RRAGD: variants seen among roughly 807,000 people sequenced by gnomAD.
The protein encoded by RRAGD is Ras related GTP binding D.
Under a neutral mutation model 35.5 loss-of-function variants are expected in RRAGD, and 12 were observed. That is an observed-to-expected ratio of 0.34 (90% confidence interval 0.22 to 0.55). The LOEUF is 0.55. Among genes scored for constraint, RRAGD ranks in the 20% least tolerant of loss-of-function variants. RRAGD has a pLI of 0.91. For missense variants in RRAGD, 324 were observed against 490.1 expected (o/e 0.66, Z 3.20); for synonymous variants, 155 against 178.9 (o/e 0.87, Z 1.07).
At position 89,380,197 on chromosome 6, in the gene RRAGD, T is replaced by C; in HGVS notation, c.615A>G (p.Ala205=). The C allele has an allele frequency of 1.2e-6, 2 of 1,614,270 alleles. No individual in the cohort carries two copies. Among genetic ancestry groups the C allele is most frequent in the Non-Finnish European group, 1.7e-6 (2 of 1,180,044 alleles). ...DIHQRANDDL[A]DAGLEKIHLS... is the part of the protein sequence containing the mutation. ...GGTGAATTTTTTCTAATCCAGCATC[T>C]GCAAGGTCATCGTTTGCCCTCTGGT... is the stretch of plus-strand genomic sequence containing the variant. The change falls in exon 3 of 7, where the codon GCA becomes GCG. Residue 205 remains alanine (A), a synonymous_variant. Coordinates refer to ENST00000369415, the MANE Select transcript of RRAGD (RefSeq NM_021244.5).
At chr6:89,377,939 T>A in intron 4 of RRAGD, 126 bp from the exon 5 acceptor site, 1 of 670,992 alleles carries the variant, frequency 1.5e-6, no homozygotes, top group Non-Finnish European at 2.4e-6. Context: ...ACTAAAAATT[T>A]AAATTGTATC....
At position 89,366,543 on chromosome 6, in the gene RRAGD, AAG is replaced by A. The variant is rs1332325059; in HGVS notation, c.*1511_*1512del. ...CCCCCTCTAAAAAAAAAAAAAAAAAAAGTTTCAAGTATAAGTTGCTTTAGGGA... is the reference window on the plus strand; with the variant it reads ...CCCCCTCTAAAAAAAAAAAAAAAAAATTTCAAGTATAAGTTGCTTTAGGGA... On this transcript the variant is annotated 3_prime_UTR_variant, in exon 7 of 7. Coordinates refer to ENST00000369415, the MANE Select transcript of RRAGD (RefSeq NM_021244.5). 1 of 151,232 alleles carries A rather than the reference AAG, an allele frequency of 6.6e-6. No individual in the cohort carries two copies. The highest frequency in any genetic ancestry group is 1.5e-5 in the Non-Finnish European group (1 of 67,884). The allele number at this position is 151,232 out of a possible 1,614,324, so 9.4% of individuals were successfully genotyped here. A position where few individuals can be genotyped will look rare whatever the true frequency, so the allele number is the denominator to read the frequency against.
chr6:89,386,785 C>A (rs905807526), intron 2 of RRAGD, among the ~76,000 whole-genome samples: 13 of 151,936 alleles, frequency 8.6e-5, no homozygotes, highest in Non-Finnish European at 1.8e-4. Flanking sequence ...TATCCATCTT[C>A]TAAAGAGGGA....
At chr6:89,410,327 C>T (rs1769669168) in intron 1 of RRAGD, among the ~76,000 whole-genome samples, 1 of 152,188 alleles carries the variant, frequency 6.6e-6, no homozygotes. Flanking sequence ...CTGTGTCCAC[C>T]ATTTCAAATA....
chr6:89,369,986 T>C (rs143380315), intron 6 of RRAGD, among the ~76,000 whole-genome samples: 28 of 152,156 alleles, frequency 1.8e-4, no homozygotes, highest in Non-Finnish European at 2.8e-4. Flanking sequence ...AGCTGCACAA[T>C]AAAAACACCC....
In RRAGD at chr6:89,411,636, T is replaced by A. The variant is rs1490843628; in HGVS notation, c.148+210A>T. ...CCTCCTTCCCCTTTTCCACCGATCC[T>A]GGTTGCCCCTCCGCCACCAGCACCG... On this transcript the variant is annotated intron_variant, in intron 1 of 6. Transcript: ENST00000369415. This position sits in a 1 kb window ranked among gnomAD's most constrained non-coding sequence, Gnocchi z 5.6. The A allele has an allele frequency of 1.7e-6, 1 of 581,232 alleles. No individual in the cohort carries two copies. The highest frequency in any genetic ancestry group is 3.0e-6 in the Non-Finnish European group (1 of 332,982). The allele number at this position is 581,232 out of a possible 1,614,324, so 36.0% of individuals were successfully genotyped here.
intron 2 of RRAGD, among the ~76,000 whole-genome samples, chr6:89,385,000 G>A (rs1769116732): frequency 6.6e-6 from 1 of 151,876 alleles, no homozygotes; most frequent in Non-Finnish European, 1.5e-5. Context: ...GCTGTAGCGG[G>A]TTATAATCAC....
chr6:89,408,579 C>T (rs1246823957), intron 1 of RRAGD, among the ~76,000 whole-genome samples: 1 of 152,106 alleles, frequency 6.6e-6, no homozygotes, highest in Non-Finnish European at 1.5e-5. Flanking sequence ...AAGGAAGACC[C>T]TGGATCTTTC....
At chr6:89,389,896 C>T (rs1413923031) in intron 1 of RRAGD, among the ~76,000 whole-genome samples, 2 of 152,140 alleles carry the variant, frequency 1.3e-5, no homozygotes, top group East Asian at 3.8e-4. Flanking sequence ...AGGGCTGTTA[C>T]AATAAATGAG....
intron 4 of RRAGD, 85 bp from the exon 5 acceptor site, chr6:89,377,898 A>C: frequency 1.0e-6 from 1 of 987,526 alleles, no homozygotes; most frequent in Non-Finnish European, 1.5e-6. Context: ...TGCCATTCTT[A>C]ATGTAAAATA....
chr6:89,372,513 G>C lies in RRAGD; in HGVS notation c.975C>G (p.Thr325=), dbSNP rs761324046. Residue 325 remains threonine, a synonymous_variant, in exon 6 of 7, where the codon ACC becomes ACG. Coordinates refer to ENST00000369415, the MANE Select transcript of RRAGD (RefSeq NM_021244.5). ...STAIIKLNNT[T]VLYLKEVTKF... is the part of the protein sequence containing the mutation. ...TTGTCACCTCTTTTAAATAAAGCAC[G>C]GTTGTATTATTAAGCTTTATGATGG... 4 of 1,611,108 alleles carry C rather than the reference G, an allele frequency of 2.5e-6. No homozygotes were observed. Among genetic ancestry groups the C allele is most frequent in the Non-Finnish European group, 3.4e-6 (4 of 1,178,976 alleles).
chr6:89,393,815 G>A (rs1163337945), intron 1 of RRAGD, among the ~76,000 whole-genome samples: 1 of 152,202 alleles, frequency 6.6e-6, no homozygotes, highest in Non-Finnish European at 1.5e-5. Context: ...ACTCAGAGAT[G>A]TAAGAAAATA....
intron 2 of RRAGD, among the ~76,000 whole-genome samples, chr6:89,385,323 A>G (rs1422641685): frequency 6.6e-6 from 1 of 152,154 alleles, no homozygotes; most frequent in African/African-American, 2.4e-5. Context: ...TCTGGTTGGA[A>G]ATCTACTCAC....
At chr6:89,378,302 CA>C (rs761449714) in intron 4 of RRAGD, among the ~76,000 whole-genome samples, 192 of 125,474 alleles carry the variant, frequency 1.5e-3, no homozygotes, top group Admixed American at 2.2e-3. Context: ...AACTCCGTCT[CA>C]AAAAAAAAAA....
At chr6:89,409,143 G>T (rs1238630327) in intron 1 of RRAGD, among the ~76,000 whole-genome samples, 1 of 152,206 alleles carries the variant, frequency 6.6e-6, no homozygotes, top group Non-Finnish European at 1.5e-5. Flanking sequence ...AATTTACAAG[G>T]CATACTCGGT....
intron 5 of RRAGD, among the ~76,000 whole-genome samples, chr6:89,374,630 T>A (rs1048292641): frequency 1.2e-4 from 18 of 151,870 alleles, no homozygotes; most frequent in Admixed American, 1.1e-3. Context: ...CTCGGGAGGC[T>A]GAGGGAGGAG....
chr6:89,409,005 T>C (rs1317684625), intron 1 of RRAGD, among the ~76,000 whole-genome samples: 1 of 152,146 alleles, frequency 6.6e-6, no homozygotes, highest in African/African-American at 2.4e-5. Flanking sequence ...AAATCTGCCC[T>C]AACAGAACTA....
intron 1 of RRAGD, among the ~76,000 whole-genome samples, chr6:89,406,513 C>T (rs1178981749): frequency 6.6e-6 from 1 of 152,004 alleles, no homozygotes; most frequent in East Asian, 1.9e-4. Context: ...AGCAGTTAGA[C>T]GTCGAGAGGA....
At chr6:89,368,285 C>T (rs1026333951) in intron 6 of RRAGD, 78 bp from the exon 7 acceptor site, 1 of 1,376,198 alleles carries the variant, frequency 7.3e-7, no homozygotes, top group Non-Finnish European at 9.9e-7. Context: ...ATGGCCAGGA[C>T]AAGCCAGTAG....
Sources: allele counts gnomAD v4.1 joint callset (sites outside exome capture counted in the v4.1 genomes callset), GRCh38; gene constraint gnomAD v4.1.1; non-coding constraint Gnocchi (gnomAD v3.1); transcripts MANE v1.5; gene names NCBI Gene and HGNC (gene_info 2026-07-23, HGNC 2026-07-21).